CFAP77: variants seen among roughly 807,000 people sequenced by gnomAD.
The protein encoded by CFAP77 is cilia and flagella associated protein 77.
A neutral mutation model predicts 31.1 loss-of-function variants in CFAP77; 25 were observed. The ratio of observed to expected loss-of-function variants is 0.80; its 90% CI spans 0.59 to 1.12. CFAP77 has a LOEUF of 1.12. Ranked by LOEUF, CFAP77 falls within the 50% of genes most tolerant of loss-of-function variation. The probability of loss-of-function intolerance (pLI) is 0.00; values close to 1 mark genes in which losing one functional copy is unlikely to be tolerated. For synonymous variants in CFAP77, 151 were observed against 159.9 expected (o/e 0.94, Z 0.42); for missense variants, 377 against 397.3 (o/e 0.95, Z 0.44).
intron 5 of CFAP77, among the ~76,000 whole-genome samples, chr9:132,548,544 T>G (rs1852771664): frequency 1.3e-5 from 2 of 152,190 alleles, no homozygotes; most frequent in Non-Finnish European, 2.9e-5. Context: ...CCCTCAGGCA[T>G]GAAGGTCAGG....
In CFAP77 at chr9:132,511,092, T is replaced by C. The variant is rs1852029273; in HGVS notation, c.524+11492T>C. On this transcript the variant is annotated intron_variant, in intron 3 of 5. Transcript: ENST00000393216. This position sits in a 1 kb window ranked among gnomAD's most constrained non-coding sequence, Gnocchi z 5.8. ...GCATTGTGGTGCTGGGTGTTTGGGA[T>C]ACAGAGAAAATAAAACACAAAACAA... Among the ~76,000 whole-genome samples, 1 of 152,106 alleles carries C rather than the reference T, an allele frequency of 6.6e-6. No homozygotes were observed. The highest frequency in any genetic ancestry group is 2.1e-4 in the South Asian group (1 of 4,828).
chr9:132,511,771 GA>G lies in CFAP77; in HGVS notation c.524+12173del, dbSNP rs1852045063. Among the ~76,000 whole-genome samples the G allele has an allele frequency of 6.6e-6, 1 of 152,156 alleles. No individual in the cohort carries two copies. The highest frequency in any genetic ancestry group is 2.4e-5 in the African/African-American group (1 of 41,450). ...TTCAATGGCTTAAAATAACAAAAAT[GA>G]AGCGGCCGCGCGGCGGCTCACGCCT... is the stretch of plus-strand genomic sequence containing the variant. On this transcript the variant is annotated intron_variant, in intron 3 of 5. Coordinates refer to ENST00000393216, the MANE Select transcript of CFAP77 (RefSeq NM_001282957.2). This position sits in a 1 kb window ranked among gnomAD's most constrained non-coding sequence, Gnocchi z 5.8.
rs186470000 is a variant in CFAP77, at chr9:132,552,562, G to T, written c.732+9515G>T. 4.3e-4 allele frequency among the ~76,000 whole-genome samples: 66 copies of T among 152,186 alleles called. No individual in the cohort carries two copies. Among genetic ancestry groups the T allele is most frequent in the Admixed American group, 7.8e-4 (12 of 15,296 alleles). On this transcript the variant is annotated intron_variant, in intron 5 of 5. Transcript: ENST00000393216. The surrounding 1 kb of genome is among the most constrained non-coding windows in gnomAD (Gnocchi z 5.5). The stretch of plus-strand genomic sequence containing the variant: ...AATACAAAACTTGGCTGGGCATGGT[G>T]GTGTGCTCCTGTAATCCCAGCTACC...
chr9:132,431,513 C>T (rs1387122789), intron 1 of CFAP77, among the ~76,000 whole-genome samples: 1 of 152,112 alleles, frequency 6.6e-6, no homozygotes. Flanking sequence ...AAAATATGTT[C>T]TCGATGAATG....
chr9:132,522,632 G>A (rs1852288103), intron 3 of CFAP77, among the ~76,000 whole-genome samples: 1 of 152,220 alleles, frequency 6.6e-6, no homozygotes, highest in African/African-American at 2.4e-5. Flanking sequence ...GGTTATGGAA[G>A]ACAACAGGAA....
At chr9:132,436,309 C>G (rs1850502767) in intron 1 of CFAP77, among the ~76,000 whole-genome samples, 1 of 152,158 alleles carries the variant, frequency 6.6e-6, no homozygotes, top group Non-Finnish European at 1.5e-5. Context: ...TGGCCTCTCT[C>G]CTGTGTCTTC....
Position 132,539,011 on chromosome 9 carries a change from C to T in CFAP77, c.630+1305C>T, listed in dbSNP as rs1024989256. On this transcript the variant is annotated intron_variant, in intron 4 of 5. Transcript: ENST00000393216. This position sits in a 1 kb window ranked among gnomAD's most constrained non-coding sequence, Gnocchi z 4.3. Reference sequence around the variant, plus strand: ...CTGAGGCAAGAGAGTTGCTTGGACCCAGGAGGTGGAGGTTGCAGTGAGCCA... The same window carrying T: ...CTGAGGCAAGAGAGTTGCTTGGACCTAGGAGGTGGAGGTTGCAGTGAGCCA... 1.3e-5 allele frequency among the ~76,000 whole-genome samples: 2 copies of T among 151,140 alleles called. No individual in the cohort carries two copies. Among genetic ancestry groups the T allele is most frequent in the African/African-American group, 4.9e-5 (2 of 41,018 alleles).
At position 132,473,917 on chromosome 9, in the gene CFAP77, A is replaced by G. The variant is rs1039243084; in HGVS notation, c.196-24778A>G. ...AGGCTGGTCTCAAACTCCTGACTTC[A>G]GGTGATCCACCTGCCTCGGCCTCCC... On this transcript the variant is annotated intron_variant, in intron 1 of 5. Transcript: ENST00000393216. Among the ~76,000 whole-genome samples, 3 of 152,282 alleles carry G rather than the reference A, an allele frequency of 2.0e-5. No homozygotes were observed. In the South Asian group the frequency reaches 6.2e-4, roughly 32 times the overall value.
chr9:132,442,000 C>T (rs1005624733), intron 1 of CFAP77, among the ~76,000 whole-genome samples: 2 of 152,172 alleles, frequency 1.3e-5, no homozygotes, highest in African/African-American at 4.8e-5. Flanking sequence ...ACCCTTTGTG[C>T]AGTTTAGGGA....
In CFAP77 at chr9:132,410,343, GGTCA is replaced by G; in HGVS notation, c.74_77del (p.Val25AlafsTer11). On this transcript the variant is annotated frameshift_variant, in exon 1 of 6. Coordinates refer to ENST00000393216, the MANE Select transcript of CFAP77 (RefSeq NM_001282957.2). LOFTEE classifies it high-confidence loss of function. ...AGCAGCAGCAGCCTGTGCGCCGCAC[GGTCA>G]GCCAGGTCTGCCCGCCCCCGCGGCG... The G allele has an allele frequency of 1.3e-6, 2 of 1,597,572 alleles. No individual in the cohort carries two copies. The highest frequency in any genetic ancestry group is 1.7e-6 in the Non-Finnish European group (2 of 1,173,446).
chr9:132,513,703 G>T (rs1326593167), intron 3 of CFAP77, among the ~76,000 whole-genome samples: 1 of 152,086 alleles, frequency 6.6e-6, no homozygotes, highest in African/African-American at 2.4e-5. Flanking sequence ...GTCCCCCCAT[G>T]ACAAGGCCCC....
chr9:132,555,071 A>G (rs1470979636), intron 5 of CFAP77, among the ~76,000 whole-genome samples: 1 of 152,194 alleles, frequency 6.6e-6, no homozygotes, highest in Non-Finnish European at 1.5e-5. Context: ...CTAAAAGTAG[A>G]GTTACCCCAA....
chr9:132,505,468 G>T (rs933188265), intron 3 of CFAP77, among the ~76,000 whole-genome samples: 3 of 152,118 alleles, frequency 2.0e-5, no homozygotes, highest in Admixed American at 2.0e-4. Flanking sequence ...GACCTGAGGA[G>T]TTATCTGGAA....
At position 132,551,889 on chromosome 9, in the gene CFAP77, A is replaced by G. The variant is rs146613938; in HGVS notation, c.732+8842A>G. ...CCGGGAAGGAAAGTGCAGGGCGGTC[A>G]GGAATGAGGGATTTTATGAGTGTCC... On this transcript the variant is annotated intron_variant, in intron 5 of 5. Coordinates refer to ENST00000393216, the MANE Select transcript of CFAP77 (RefSeq NM_001282957.2). Among the ~76,000 whole-genome samples the G allele has an allele frequency of 2.9e-4, 44 of 152,344 alleles. No homozygotes were observed. In the East Asian group the frequency reaches 8.3e-3, roughly 29 times the overall value.
At chr9:132,429,110 T>C (rs2131688385) in intron 1 of CFAP77, among the ~76,000 whole-genome samples, 1 of 150,418 alleles carries the variant, frequency 6.6e-6, no homozygotes, top group Non-Finnish European at 1.5e-5. Context: ...TGCCATTTCC[T>C]AAATATTTGC....
At chr9:132,524,633 A>G (rs1852323243) in intron 3 of CFAP77, among the ~76,000 whole-genome samples, 1 of 151,476 alleles carries the variant, frequency 6.6e-6, no homozygotes, top group African/African-American at 2.4e-5. Flanking sequence ...AAATTAATTG[A>G]CACGTGCCAT....
chr9:132,419,544 A>T (rs1438418378), intron 1 of CFAP77, among the ~76,000 whole-genome samples: 1 of 152,228 alleles, frequency 6.6e-6, no homozygotes, highest in Non-Finnish European at 1.5e-5. Flanking sequence ...TGGCAGCTTT[A>T]TTAGTTAATT....
rs1421753410 is a variant in CFAP77 at position 132,535,235 on chromosome 9, C to A, written c.525-2366C>A. ...CTTCTTTGATTTTATATAGGTATTT[C>A]TTTTCTCCTAATGACATTTATATAA... On this transcript the variant is annotated intron_variant, in intron 3 of 5. Coordinates refer to ENST00000393216, the MANE Select transcript of CFAP77 (RefSeq NM_001282957.2). 2.0e-5 allele frequency among the ~76,000 whole-genome samples: 3 copies of A among 152,112 alleles called. No individual in the cohort carries two copies. The East Asian group carries it at 5.8e-4, about 29-fold the overall frequency.
rs367728478 is a variant in CFAP77, at chr9:132,486,343, C to A, written c.196-12352C>A. Among the ~76,000 whole-genome samples the A allele has an allele frequency of 7.2e-4, 109 of 151,726 alleles. 1 individual carries two copies. The East Asian group carries it at 0.02, about 27-fold the overall frequency. ...TCCAGACCTCGTGATCCGCCCGCCT[C>A]GGCCTCCCAAAGTGCTGGGATTACA... On this transcript the variant is annotated intron_variant, in intron 1 of 5. Coordinates refer to ENST00000393216, the MANE Select transcript of CFAP77 (RefSeq NM_001282957.2).
Sources: gnomAD v4.1 joint callset for allele counts (sites outside exome capture counted in the v4.1 genomes callset) on GRCh38, gnomAD v4.1.1 for gene constraint, Gnocchi (gnomAD v3.1) non-coding constraint, MANE v1.5 for transcripts, NCBI Gene and HGNC (gene_info 2026-07-23, HGNC 2026-07-21) for gene names.